Variants in PPT1 observed in about 807,000 individuals in gnomAD.
PPT1 encodes ceroid-palmitoyl-palmitoyl-protein thioesterase 1.
PPT1 carries 24 observed loss-of-function variants against 44.0 expected under a neutral mutation model. The ratio of observed to expected loss-of-function variants is 0.54; its 90% CI spans 0.39 to 0.77. The LOEUF is 0.77. PPT1 is among the 30% of genes least tolerant of loss of function. The pLI, the probability that PPT1 is intolerant of heterozygous loss-of-function variation, is 0.00. For missense variants in PPT1, 341 were observed against 378.8 expected (o/e 0.90, Z 0.83); for synonymous variants, 148 against 140.2 (o/e 1.06, Z -0.39).
At position 40,081,553 on chromosome 1, in the gene PPT1, A is replaced by G. The variant is rs370125028; in HGVS notation, c.537-1066T>C. 6.1e-3 allele frequency among the ~76,000 whole-genome samples: 380 copies of G among 61,840 alleles called. 1 individual carries two copies. Among genetic ancestry groups the G allele is most frequent in the Non-Finnish European group, 7.6e-3 (215 of 28,260 alleles). The allele number at this position is 61,840 out of a possible 152,430, so 40.6% of individuals were successfully genotyped here. A position where few individuals can be genotyped will look rare whatever the true frequency, so the allele number is the denominator to read the frequency against. ...ATCCATCTCAAAAAATAAATAAATAAATAAATAAATAAATAGAAAATAAAA... is the reference window on the plus strand; with the variant it reads ...ATCCATCTCAAAAAATAAATAAATAGATAAATAAATAAATAGAAAATAAAA... On this transcript the variant is annotated intron_variant, in intron 5 of 8. Transcript: ENST00000642050.
chr1:40,079,392 CTTTTTTTTTTT>C (rs11464192), intron 6 of PPT1, among the ~76,000 whole-genome samples: 44 of 90,118 alleles, frequency 4.9e-4, no homozygotes, highest in Admixed American at 4.1e-3. Context: ...TTTTCTTTTC[CTTTTTTTTTTT>C]TTTTTTTTTT....
chr1:40,076,361 G>T (rs899957026), intron 8 of PPT1, among the ~76,000 whole-genome samples: 15 of 151,744 alleles, frequency 9.9e-5, no homozygotes, highest in Middle Eastern at 3.4e-3. Context: ...GCTACTAAGG[G>T]GGCTGAGGCA....
chr1:40,078,887 T>C, intron 6 of PPT1: 1 of 505,438 alleles, frequency 2.0e-6, no homozygotes, highest in South Asian at 1.7e-5. Flanking sequence ...ACATGTGTAG[T>C]TTTGTTATAA....
chr1:40,076,815 T>A, intron 8 of PPT1, 27 bp downstream of exon 8: 1 of 1,613,850 alleles, frequency 6.2e-7, no homozygotes, highest in Non-Finnish European at 8.5e-7. Context: ...AACACCAACC[T>A]CCCAAGATAG....
chr1:40,091,390 C>T lies in PPT1; in HGVS notation c.372G>A (p.Val124=). The part of the protein sequence containing the change: ...FSQGGQFLRA[V]AQRCPSPPMI... ...TGGGAGGTGAAGGGCATCTCTGAGC[C>T]ACTGCCCTCCTACGGAATAAAAGGG... The change falls in exon 4 of 9, where the codon GTG becomes GTA. Residue 124 remains valine, a synonymous_variant. Transcript: ENST00000642050. 1 of 1,613,718 alleles carries T rather than the reference C, an allele frequency of 6.2e-7. No homozygotes were observed. Among genetic ancestry groups the T allele is most frequent in the East Asian group, 2.2e-5 (1 of 44,878 alleles).
At chr1:40,090,878 C>G (rs1187232487) in intron 4 of PPT1, among the ~76,000 whole-genome samples, 9 of 152,344 alleles carry the variant, frequency 5.9e-5, no homozygotes, top group Admixed American at 6.5e-5. Flanking sequence ...TCTAATGACA[C>G]ATCCTTCCCC....
In PPT1 at chr1:40,073,184, G is replaced by A. The variant is rs575486311; in HGVS notation, c.*877C>T. ...TGGTAAATGTGTTTTGGGGATGGAA[G>A]TCAGAAAGCCTGATCTTTTTCATAT... On this transcript the variant is annotated 3_prime_UTR_variant, in exon 9 of 9. Coordinates refer to ENST00000642050, the MANE Select transcript of PPT1 (RefSeq NM_000310.4). 5.3e-5 allele frequency: 8 copies of A among 152,310 alleles called. No individual in the cohort carries two copies. In the East Asian group the frequency reaches 1.5e-3, roughly 29 times the overall value. The allele number at this position is 152,310 out of a possible 1,614,324, so 9.4% of individuals were successfully genotyped here.
chr1:40,084,398 T>C (rs926545539), intron 5 of PPT1, among the ~76,000 whole-genome samples: 1 of 152,198 alleles, frequency 6.6e-6, no homozygotes, highest in East Asian at 1.9e-4. Flanking sequence ...TAAGCTTACA[T>C]AAAAGCAGCG....
rs1420841482 is a variant in PPT1 at position 40,091,382 on chromosome 1, C to G, written c.380G>C (p.Arg127Thr). The change falls in exon 4 of 9, where the codon AGA becomes ACA. Residue 127 changes from arginine (R) to threonine (T), a missense_variant. Transcript: ENST00000642050. ...GGQFLRAVAQ[R>T]CPSPPMINLI... ...ATTGATCATGGGAGGTGAAGGGCAT[C>G]TCTGAGCCACTGCCCTCCTACGGAA... is the stretch of plus-strand genomic sequence containing the variant. 2 of 1,613,856 alleles carry G rather than the reference C, an allele frequency of 1.2e-6. No homozygotes were observed. The highest frequency in any genetic ancestry group is 4.5e-5 in the East Asian group (2 of 44,898).
chr1:40,075,680 A>G (rs1274867626), intron 8 of PPT1, among the ~76,000 whole-genome samples: 2 of 151,726 alleles, frequency 1.3e-5, no homozygotes, highest in Admixed American at 1.3e-4. Flanking sequence ...TAAAATCCTT[A>G]GGGCTGGGCG....
intron 5 of PPT1, among the ~76,000 whole-genome samples, chr1:40,083,429 T>C (rs1360620558): frequency 1.3e-5 from 2 of 152,116 alleles, no homozygotes; most frequent in African/African-American, 4.8e-5. Context: ...CACTCTAGTC[T>C]GGGCAAGAGA....
chr1:40,072,253 A>T, downstream of PPT1: 26 of 148,030 alleles, frequency 1.8e-4, no homozygotes, highest in Middle Eastern at 1.6e-3. Flanking sequence ...CTTTAAAAGG[A>T]AAAAAAAAAA....
intron 1 of PPT1, among the ~76,000 whole-genome samples, chr1:40,095,463 CA>C (rs934152339): frequency 1.4e-5 from 2 of 145,756 alleles, no homozygotes; most frequent in African/African-American, 5.7e-5. Context: ...AATGCCTCTA[CA>C]ACATCTCCTG....
chr1:40,090,760 A>C (rs1649521656), intron 4 of PPT1, among the ~76,000 whole-genome samples: 1 of 152,148 alleles, frequency 6.6e-6, no homozygotes, highest in Non-Finnish European at 1.5e-5. Context: ...CCTAGGAGTA[A>C]TAGTTAATTG....
intron 5 of PPT1, among the ~76,000 whole-genome samples, chr1:40,081,946 G>A (rs1212158163): frequency 6.6e-6 from 1 of 152,186 alleles, no homozygotes; most frequent in Non-Finnish European, 1.5e-5. Flanking sequence ...AAGCCTGATA[G>A]TGATATAGAC....
Position 40,073,968 on chromosome 1 carries a change from T to A in PPT1, c.*93A>T. On this transcript the variant is annotated 3_prime_UTR_variant, in exon 9 of 9. Transcript: ENST00000642050. ...ATAGAAGGATTAGTTGCAAGCTGGATCTGAGCTCAGGCTTGGGCATGAAGG... is the reference window on the plus strand; with the variant it reads ...ATAGAAGGATTAGTTGCAAGCTGGAACTGAGCTCAGGCTTGGGCATGAAGG... 7.2e-6 allele frequency: 11 copies of A among 1,532,780 alleles called. No individual in the cohort carries two copies. Among genetic ancestry groups the A allele is most frequent in the Non-Finnish European group, 9.9e-6 (11 of 1,111,534 alleles). The allele number at this position is 1,532,780 out of a possible 1,614,324, so 94.9% of individuals were successfully genotyped here.
chr1:40,086,772 A>C (rs192060633), intron 5 of PPT1, among the ~76,000 whole-genome samples: 65 of 152,188 alleles, frequency 4.3e-4, no homozygotes, highest in Admixed American at 1.5e-3. Flanking sequence ...GTCTGCATGG[A>C]GAGAAAGAAG....
chr1:40,078,520 C>A (rs767938835), intron 7 of PPT1, 40 bp downstream of exon 7: 1 of 1,581,972 alleles, frequency 6.3e-7, no homozygotes, highest in South Asian at 1.1e-5. Context: ...TATTTTAATG[C>A]CATTTACTCT....
At chr1:40,089,723 T>G (rs1387109472) in intron 4 of PPT1, 1 of 641,592 alleles carries the variant, frequency 1.6e-6, no homozygotes, top group African/African-American at 1.8e-5. Flanking sequence ...TCTTTTTACC[T>G]GCTCATCCCT....
Sources: allele counts gnomAD v4.1 joint callset (sites outside exome capture counted in the v4.1 genomes callset), GRCh38; gene constraint gnomAD v4.1.1; transcripts MANE v1.5; gene names NCBI Gene and HGNC (gene_info 2026-07-23, HGNC 2026-07-21).